Variants in PLEKHH2 observed in about 807,000 individuals in gnomAD.
PLEKHH2 encodes pleckstrin homology domain-containing family H member 2.
Under a neutral mutation model 187.9 loss-of-function variants are expected in PLEKHH2, and 129 were observed. The observed-to-expected ratio is 0.69, with a 90% CI of 0.59 to 0.79. The LOEUF (loss-of-function observed/expected upper bound fraction) is 0.79, where lower values mean the gene tolerates loss of function less well. Ranked by LOEUF, PLEKHH2 falls within the 30% of genes least tolerant of loss-of-function variation. The pLI, the probability that PLEKHH2 is intolerant of heterozygous loss-of-function variation, is 0.00. For missense variants in PLEKHH2, 2,076 were observed against 1,751.2 expected (o/e 1.19, Z -3.31); for synonymous variants, 686 against 605.6 (o/e 1.13, Z -1.95).
At chr2:43,757,564 G>A (rs930055783) in intron 26 of PLEKHH2, among the ~76,000 whole-genome samples, 10 of 151,646 alleles carry the variant, frequency 6.6e-5, no homozygotes, top group Admixed American at 3.3e-4. Flanking sequence ...GACTACAGGC[G>A]CCCGCCACCA....
intron 2 of PLEKHH2, chr2:43,675,682 A>G: frequency 1.2e-6 from 2 of 1,613,964 alleles, no homozygotes; most frequent in Non-Finnish European, 1.7e-6. Flanking sequence ...ATCTTCAGAT[A>G]ACTTCCAAAT....
At chr2:43,713,145 T>A (rs1054051239) in intron 15 of PLEKHH2, among the ~76,000 whole-genome samples, 3 of 151,832 alleles carry the variant, frequency 2.0e-5, no homozygotes, top group African/African-American at 7.3e-5. Flanking sequence ...GATCCAGCAA[T>A]CTCAGTTTTA....
rs1669261975 is a variant in PLEKHH2 at position 43,699,779 on chromosome 2, G to C, written c.821G>C (p.Gly274Ala). 1 of 1,614,048 alleles carries C rather than the reference G, an allele frequency of 6.2e-7. No homozygotes were observed. Among genetic ancestry groups the C allele is most frequent in the African/African-American group, 1.3e-5 (1 of 74,928 alleles). ...KTRTSFATDG[G>A]ISQNSGAPVS... ...AGAACAAGCTTTGCCACAGATGGTG[G>C]CATCTCCCAGAATTCTGGGGCTCCT... Residue 274 changes from glycine (G) to alanine (A), a missense_variant, in exon 8 of 30, where the codon GGC (glycine) becomes GCC (alanine). Coordinates refer to ENST00000282406, the MANE Select transcript of PLEKHH2 (RefSeq NM_172069.4).
At chr2:43,641,211 G>A (rs1323562248) in intron 1 of PLEKHH2, among the ~76,000 whole-genome samples, 2 of 151,894 alleles carry the variant, frequency 1.3e-5, no homozygotes, top group Admixed American at 1.3e-4. Flanking sequence ...CCATTCTGTG[G>A]GTTATCTTTG....
chr2:43,717,996 T>A (rs965213609), intron 15 of PLEKHH2, among the ~76,000 whole-genome samples: 7 of 152,152 alleles, frequency 4.6e-5, no homozygotes. Context: ...AGGGATGGGC[T>A]TATGGGGAAG....
chr2:43,695,125 A>T lies in PLEKHH2; in HGVS notation c.421-18A>T, dbSNP rs760048923. The T allele has an allele frequency of 1.4e-6, 2 of 1,432,618 alleles. No homozygotes were observed. Among genetic ancestry groups the T allele is most frequent in the South Asian group, 2.7e-5 (2 of 74,000 alleles). The allele number at this position is 1,432,618 out of a possible 1,614,324, so 88.7% of individuals were successfully genotyped here. A position where few individuals can be genotyped will look rare whatever the true frequency, so the allele number is the denominator to read the frequency against. ...AATATTATCTCTATATGAAAAGAAT[A>T]CCATTATGTTCTCTTAGCTGGAATT... On this transcript the variant is annotated intron_variant, in intron 5 of 29. Coordinates refer to ENST00000282406, the MANE Select transcript of PLEKHH2 (RefSeq NM_172069.4).
chr2:43,680,915 T>A, intron 3 of PLEKHH2: 1 of 670,466 alleles, frequency 1.5e-6, no homozygotes, highest in East Asian at 3.2e-5. Context: ...CTGGTTGAAA[T>A]TTATGTCCAG....
At chr2:43,655,669 C>T (rs147660550) in intron 2 of PLEKHH2, among the ~76,000 whole-genome samples, 1 of 152,256 alleles carries the variant, frequency 6.6e-6, no homozygotes, top group East Asian at 1.9e-4. Context: ...AACATGATCA[C>T]AAAACGACCT....
chr2:43,692,627 C>T lies in PLEKHH2; in HGVS notation c.300C>T (p.Asp100=), dbSNP rs749484641. ...AGTCGCTAATACAGGAAAAAGATGA[C>T]GTCATTCAAAACTTGGAATTGCAAC... The part of the protein sequence containing the change: ...DLESLIQEKD[D]VIQNLELQLE... The change falls in exon 4 of 30, where the codon GAC becomes GAT. Residue 100 remains aspartate, a synonymous_variant. Transcript: ENST00000282406. The T allele has an allele frequency of 1.7e-5, 27 of 1,612,898 alleles. No homozygotes were observed. The highest frequency in any genetic ancestry group is 3.3e-4 in the Middle Eastern group (2 of 6,076).
chr2:43,700,701 G>A, intron 8 of PLEKHH2, 93 bp downstream of exon 8: 1 of 1,444,350 alleles, frequency 6.9e-7, no homozygotes, highest in Non-Finnish European at 9.3e-7. Flanking sequence ...CGCCCAAGCT[G>A]GAGTGCAGTG....
chr2:43,679,387 G>A (rs528694110), intron 3 of PLEKHH2: 6 of 230,332 alleles, frequency 2.6e-5, no homozygotes, highest in South Asian at 2.1e-4. Flanking sequence ...GTTGTATTAG[G>A]AAAAGTCAAA....
intron 8 of PLEKHH2, among the ~76,000 whole-genome samples, chr2:43,702,928 A>G (rs1669455113): frequency 6.6e-6 from 1 of 151,750 alleles, no homozygotes; most frequent in African/African-American, 2.4e-5. Flanking sequence ...CTCTAATTCT[A>G]CTACTAACCA....
chr2:43,720,644 G>C (rs762085478), intron 15 of PLEKHH2, 25 bp from the exon 16 acceptor site: 2 of 1,605,572 alleles, frequency 1.2e-6, no homozygotes, highest in East Asian at 2.2e-5. Context: ...GGCTAAACTT[G>C]TAATTCATTG....
intron 15 of PLEKHH2, among the ~76,000 whole-genome samples, chr2:43,715,122 A>G (rs1385608355): frequency 6.6e-6 from 1 of 151,960 alleles, no homozygotes; most frequent in Admixed American, 6.6e-5. Context: ...CTAAAAATAC[A>G]AAAATTAACC....
intron 3 of PLEKHH2, among the ~76,000 whole-genome samples, chr2:43,680,046 A>T (rs1320908369): frequency 1.3e-5 from 2 of 152,142 alleles, no homozygotes; most frequent in African/African-American, 2.4e-5. Flanking sequence ...GAGCAGTAAA[A>T]TGATGGGTTT....
At chr2:43,758,748 T>A (rs1672312973) in intron 26 of PLEKHH2, 152 bp from the exon 27 acceptor site, 5 of 546,246 alleles carry the variant, frequency 9.2e-6, no homozygotes, top group Admixed American at 3.6e-5. Flanking sequence ...GACAGTGGTG[T>A]GATGAGAGTC....
intron 18 of PLEKHH2, among the ~76,000 whole-genome samples, chr2:43,730,737 G>T (rs1330036706): frequency 6.6e-6 from 1 of 152,194 alleles, no homozygotes; most frequent in Non-Finnish European, 1.5e-5. Context: ...CCCACTGAGA[G>T]ACTAGATTCT....
chr2:43,742,255 G>A (rs1671597776), intron 21 of PLEKHH2, among the ~76,000 whole-genome samples: 1 of 151,896 alleles, frequency 6.6e-6, no homozygotes, highest in South Asian at 2.1e-4. Context: ...GCCCACTTCA[G>A]CCTCCCAAAG....
At chr2:43,641,734 C>T (rs1665940742) in intron 1 of PLEKHH2, among the ~76,000 whole-genome samples, 1 of 152,180 alleles carries the variant, frequency 6.6e-6, no homozygotes, top group Admixed American at 6.5e-5. Flanking sequence ...GTCCCAGCAT[C>T]ATCTGTTGAA....
Sources: gnomAD v4.1 joint callset for allele counts (sites outside exome capture counted in the v4.1 genomes callset) on GRCh38, gnomAD v4.1.1 for gene constraint, MANE v1.5 for transcripts, NCBI Gene and HGNC (gene_info 2026-07-23, HGNC 2026-07-21) for gene names.